Variants in NXPH1 observed in about 807,000 individuals in gnomAD.
NXPH1 encodes the protein neurexophilin 1.
NXPH1 carries 5 observed loss-of-function variants against 23.7 expected under a neutral mutation model. The ratio of observed to expected loss-of-function variants is 0.21; its 90% CI spans 0.11 to 0.44. The LOEUF (loss-of-function observed/expected upper bound fraction) is 0.44, where lower values mean the gene tolerates loss of function less well. Among genes scored for constraint, NXPH1 ranks in the 20% least tolerant of loss-of-function variants. The pLI is 0.99. For missense variants in NXPH1, 324 were observed against 321.6 expected (o/e 1.01, Z -0.06); for synonymous variants, 144 against 122.2 (o/e 1.18, Z -1.18).
chr7:8,699,761 T>C (rs1220420226), intron 2 of NXPH1, among the ~76,000 whole-genome samples: 1 of 152,168 alleles, frequency 6.6e-6, no homozygotes, highest in Admixed American at 6.5e-5. Flanking sequence ...TTTTAAAAGA[T>C]TGATTTTTAA....
intron 2 of NXPH1, among the ~76,000 whole-genome samples, chr7:8,441,126 C>T (rs964383984): frequency 1.1e-4 from 17 of 152,214 alleles, no homozygotes; most frequent in Admixed American, 6.5e-4. Context: ...CTTCAGATCT[C>T]ATTTTAAGAC....
intron 2 of NXPH1, among the ~76,000 whole-genome samples, chr7:8,636,279 A>T (rs546191816): frequency 5.9e-5 from 9 of 152,182 alleles, no homozygotes; most frequent in African/African-American, 1.9e-4. Context: ...TTTAAACAAA[A>T]GTTTAACTCA....
chr7:8,746,841 C>G (rs1303394812), intron 2 of NXPH1, among the ~76,000 whole-genome samples: 1 of 146,816 alleles, frequency 6.8e-6, no homozygotes, highest in East Asian at 2.1e-4. Flanking sequence ...ATTTTCTTCT[C>G]CCCCGCTTTC....
At chr7:8,548,812 A>G (rs1021840160) in intron 2 of NXPH1, among the ~76,000 whole-genome samples, 2 of 151,600 alleles carry the variant, frequency 1.3e-5, no homozygotes, top group African/African-American at 4.8e-5. Flanking sequence ...TATGATTAGT[A>G]AGTAGTCAAT....
At chr7:8,486,204 G>T (rs764931105) in intron 2 of NXPH1, among the ~76,000 whole-genome samples, 1 of 152,196 alleles carries the variant, frequency 6.6e-6, no homozygotes, top group Non-Finnish European at 1.5e-5. Context: ...GAACTAGACA[G>T]AATTCCCTTC....
intron 2 of NXPH1, among the ~76,000 whole-genome samples, chr7:8,444,218 C>A (rs1816357594): frequency 6.6e-6 from 1 of 152,220 alleles, no homozygotes. Flanking sequence ...AGAGATCTGG[C>A]ATGTAGTGCT....
chr7:8,664,177 A>ACTT (rs1554264038), intron 2 of NXPH1, among the ~76,000 whole-genome samples: 1 of 151,996 alleles, frequency 6.6e-6, no homozygotes, highest in Non-Finnish European at 1.5e-5. Flanking sequence ...GCGAAGGGTA[A>ACTT]GCTTATCCCA....
At chr7:8,450,766 G>A (rs1374289565) in intron 2 of NXPH1, among the ~76,000 whole-genome samples, 2 of 152,264 alleles carry the variant, frequency 1.3e-5, no homozygotes, top group East Asian at 3.9e-4. Context: ...TCTGTAAATG[G>A]TATACATGAA....
rs774123742 is a variant in NXPH1 at position 8,751,521 on chromosome 7, A to G, written c.568A>G (p.Lys190Glu). Residue 190 changes from lysine (K) to glutamate (E), a missense_variant, in exon 3 of 3, where the codon AAG becomes GAG. Lys to Glu is a moderately conservative substitution (Grantham distance 56). Coordinates refer to ENST00000405863, the MANE Select transcript of NXPH1 (RefSeq NM_152745.3). This position sits in a 1 kb window ranked among gnomAD's most constrained non-coding sequence, Gnocchi z 4.5. ...AACCGTGATTGATGCCAAAGATTCC[A>G]AGTCTTTTAATTGTCGCATTGAATA... Reference protein sequence around the residue: ...QQTVIDAKDSKSFNCRIEYEK... With the variant: ...QQTVIDAKDSESFNCRIEYEK... The G allele has an allele frequency of 1.2e-6, 2 of 1,613,562 alleles. No homozygotes were observed. Among genetic ancestry groups the G allele is most frequent in the Non-Finnish European group, 1.7e-6 (2 of 1,179,796 alleles).
At chr7:8,688,751 T>C (rs2115181977) in intron 2 of NXPH1, among the ~76,000 whole-genome samples, 1 of 152,326 alleles carries the variant, frequency 6.6e-6, no homozygotes, top group African/African-American at 2.4e-5. Flanking sequence ...CTCCTAGTCT[T>C]GTTGAGAAAT....
At chr7:8,620,954 T>C (rs1260448378) in intron 2 of NXPH1, among the ~76,000 whole-genome samples, 2 of 152,132 alleles carry the variant, frequency 1.3e-5, no homozygotes, top group Admixed American at 6.6e-5. Context: ...TCTATAAACT[T>C]TCACACAATC....
intron 2 of NXPH1, among the ~76,000 whole-genome samples, chr7:8,436,293 CA>C (rs1412256355): frequency 6.6e-6 from 1 of 152,176 alleles, no homozygotes. Flanking sequence ...GTTTAACTAT[CA>C]GGGGTACTGC....
At chr7:8,474,068 G>T (rs1469001000) in intron 2 of NXPH1, among the ~76,000 whole-genome samples, 1 of 152,114 alleles carries the variant, frequency 6.6e-6, no homozygotes, top group Non-Finnish European at 1.5e-5. Flanking sequence ...GTTTCTAATG[G>T]TGGATAGCCA....
intron 2 of NXPH1, among the ~76,000 whole-genome samples, chr7:8,562,733 T>C (rs1818468792): frequency 6.6e-6 from 1 of 151,796 alleles, no homozygotes; most frequent in South Asian, 2.1e-4. Context: ...TTAATATAAA[T>C]GGGAATGCTC....
At chr7:8,543,824 A>C (rs1221680114) in intron 2 of NXPH1, among the ~76,000 whole-genome samples, 1 of 151,686 alleles carries the variant, frequency 6.6e-6, no homozygotes, top group Non-Finnish European at 1.5e-5. Context: ...TTTTAAATAA[A>C]TGATTGCATA....
chr7:8,606,675 T>A (rs1290662983), intron 2 of NXPH1, among the ~76,000 whole-genome samples: 1 of 152,190 alleles, frequency 6.6e-6, no homozygotes, highest in Non-Finnish European at 1.5e-5. Context: ...CAAAAGCTTG[T>A]TAAATGAATT....
At chr7:8,468,019 C>A (rs116099470) in intron 2 of NXPH1, among the ~76,000 whole-genome samples, 1 of 151,774 alleles carries the variant, frequency 6.6e-6, no homozygotes, top group Non-Finnish European at 1.5e-5. Flanking sequence ...AGATAAATTG[C>A]GCAAAAAGAA....
At chr7:8,642,730 A>T (rs1412770861) in intron 2 of NXPH1, among the ~76,000 whole-genome samples, 1 of 152,114 alleles carries the variant, frequency 6.6e-6, no homozygotes, top group Non-Finnish European at 1.5e-5. Context: ...GTCTTATCTA[A>T]TTGTCCAAGA....
chr7:8,706,908 G>C (rs1404538136), intron 2 of NXPH1, among the ~76,000 whole-genome samples: 1 of 152,168 alleles, frequency 6.6e-6, no homozygotes, highest in Non-Finnish European at 1.5e-5. Context: ...AATGGTGAGA[G>C]TGAGAAGGGG....
Sources: gnomAD v4.1 joint callset for allele counts (sites outside exome capture counted in the v4.1 genomes callset) on GRCh38, gnomAD v4.1.1 for gene constraint, Gnocchi (gnomAD v3.1) non-coding constraint, MANE v1.5 for transcripts, NCBI Gene and HGNC (gene_info 2026-07-23, HGNC 2026-07-21) for gene names.